Variants in GALNTL6 observed in about 807,000 individuals in gnomAD.
The protein encoded by GALNTL6 is polypeptide N-acetylgalactosaminyltransferase-like 6.
GALNTL6 carries 46 observed loss-of-function variants against 73.7 expected under a neutral mutation model. That is an observed-to-expected ratio of 0.62 (90% CI 0.49 to 0.80). The LOEUF is 0.80. GALNTL6 is among the 30% of genes least tolerant of loss of function. The pLI is 0.00. For synonymous variants in GALNTL6, 259 were observed against 263.7 expected, an observed-to-expected ratio of 0.98 and a Z score of 0.17; for missense variants, 604 against 755.0, an observed-to-expected ratio of 0.80 and a Z score of 2.34.
At chr4:172,678,873 G>A (rs1379148968) in intron 5 of GALNTL6, among the ~76,000 whole-genome samples, 1 of 152,082 alleles carries the variant, frequency 6.6e-6, no homozygotes, top group South Asian at 2.1e-4. Context: ...GTGATTTCAT[G>A]GTCTAAAGTA....
At chr4:172,071,924 A>G (rs553475127) in intron 2 of GALNTL6, among the ~76,000 whole-genome samples, 2 of 152,250 alleles carry the variant, frequency 1.3e-5, no homozygotes, top group East Asian at 3.9e-4. Context: ...TGGGCTTAGG[A>G]AAGTTATCTG....
At chr4:171,992,040 GT>G (rs2110738976) in intron 2 of GALNTL6, among the ~76,000 whole-genome samples, 1 of 151,942 alleles carries the variant, frequency 6.6e-6, no homozygotes, top group Admixed American at 6.6e-5. Flanking sequence ...GAATTACAAT[GT>G]TTTCCTTACA....
intron 7 of GALNTL6, among the ~76,000 whole-genome samples, chr4:172,871,302 G>C (rs1447715155): frequency 6.6e-6 from 1 of 152,018 alleles, no homozygotes; most frequent in African/African-American, 2.4e-5. Flanking sequence ...CCCACAAGTT[G>C]AACATGTTCT....
chr4:172,181,980 G>T (rs956999574), intron 2 of GALNTL6, among the ~76,000 whole-genome samples: 3 of 152,034 alleles, frequency 2.0e-5, no homozygotes, highest in African/African-American at 7.2e-5. Flanking sequence ...GCCTCCCAAA[G>T]TGCTGGGATT....
At chr4:172,962,064 C>G (rs139746395) in intron 10 of GALNTL6, among the ~76,000 whole-genome samples, 1 of 152,006 alleles carries the variant, frequency 6.6e-6, no homozygotes, top group African/African-American at 2.4e-5. Flanking sequence ...AAATTACAGT[C>G]AAAGGGGAGG....
At chr4:172,548,164 G>A (rs1013220631) in intron 5 of GALNTL6, among the ~76,000 whole-genome samples, 6 of 63,364 alleles carry the variant, frequency 9.5e-5, no homozygotes, top group African/African-American at 2.0e-4. Context: ...TTAATATGTC[G>A]ATGTCAATGA....
chr4:172,517,248 G>C (rs1734638352), intron 5 of GALNTL6, among the ~76,000 whole-genome samples: 1 of 152,016 alleles, frequency 6.6e-6, no homozygotes, highest in Non-Finnish European at 1.5e-5. Flanking sequence ...TAGTTTCTGG[G>C]CCTGAAACCT....
intron 4 of GALNTL6, among the ~76,000 whole-genome samples, chr4:172,321,371 A>T (rs1486766999): frequency 6.6e-6 from 1 of 152,188 alleles, no homozygotes; most frequent in African/African-American, 2.4e-5. Context: ...CATCTGAAAC[A>T]TCCTGTTTCC....
intron 5 of GALNTL6, among the ~76,000 whole-genome samples, chr4:172,520,910 G>T (rs946024252): frequency 1.3e-5 from 2 of 152,062 alleles, no homozygotes; most frequent in Middle Eastern, 3.4e-3. Context: ...CAGCAAAGTT[G>T]CAACTTTCAA....
intron 5 of GALNTL6, among the ~76,000 whole-genome samples, chr4:172,634,170 G>C (rs139327826): frequency 1.3e-5 from 2 of 152,154 alleles, no homozygotes; most frequent in East Asian, 3.9e-4. Context: ...CTGTATTTAG[G>C]ACATCACTTA....
chr4:172,231,828 C>G (rs1325280958), intron 3 of GALNTL6, among the ~76,000 whole-genome samples: 1 of 152,016 alleles, frequency 6.6e-6, no homozygotes, highest in Non-Finnish European at 1.5e-5. Context: ...AATACAAAAT[C>G]CAGTGCTTCA....
intron 5 of GALNTL6, among the ~76,000 whole-genome samples, chr4:172,432,871 G>T (rs1011167442): frequency 6.6e-6 from 1 of 152,074 alleles, no homozygotes; most frequent in Admixed American, 6.6e-5. Flanking sequence ...ACAACACTCT[G>T]CTGGATAGCT....
intron 3 of GALNTL6, among the ~76,000 whole-genome samples, chr4:172,281,402 A>C (rs1428778572): frequency 1.3e-5 from 2 of 152,008 alleles, no homozygotes; most frequent in Non-Finnish European, 2.9e-5. Flanking sequence ...TTCTCTTATA[A>C]AAGACCCTGT....
At chr4:172,869,335 G>A (rs558478488) in intron 7 of GALNTL6, among the ~76,000 whole-genome samples, 1 of 152,300 alleles carries the variant, frequency 6.6e-6, no homozygotes, top group South Asian at 2.1e-4. Flanking sequence ...AGGTGGAGTT[G>A]TCTGAAAGCA....
chr4:172,159,130 C>T (rs141970465), intron 2 of GALNTL6, among the ~76,000 whole-genome samples: 1 of 152,290 alleles, frequency 6.6e-6, no homozygotes, highest in African/African-American at 2.4e-5. Flanking sequence ...GATTAAGGCG[C>T]AACTCCAGGA....
chr4:172,606,212 G>A (rs1188053336), intron 5 of GALNTL6, among the ~76,000 whole-genome samples: 3 of 152,026 alleles, frequency 2.0e-5, no homozygotes, highest in Non-Finnish European at 4.4e-5. Context: ...CAATTTTAAG[G>A]TAAAAATGAT....
rs1734388497 is a variant in GALNTL6 at position 172,506,532 on chromosome 4, G to A, written c.553+157843G>A. The stretch of plus-strand genomic sequence containing the variant: ...CTATAACAGAAGTGACAAGTTTAGA[G>A]CTGTGCTCTAAAATGACCTTATCAG... On this transcript the variant is annotated intron_variant, in intron 5 of 12. Transcript: ENST00000506823. Among the ~76,000 whole-genome samples, 4 of 54,122 alleles carry A rather than the reference G, an allele frequency of 7.4e-5. 2 individuals are homozygous for A. Among genetic ancestry groups the A allele is most frequent in the Non-Finnish European group, 1.7e-4 (4 of 23,554 alleles). 35.5% of individuals were successfully genotyped at this position (54,122 alleles called of 152,430 possible).
At chr4:172,302,475 T>C (rs550218920) in intron 3 of GALNTL6, among the ~76,000 whole-genome samples, 1 of 152,298 alleles carries the variant, frequency 6.6e-6, no homozygotes, top group South Asian at 2.1e-4. Context: ...CTGGGAGCTG[T>C]AGACTGGAGC....
Position 171,968,063 on chromosome 4 carries a change from A to G in GALNTL6, c.138+153345A>G, listed in dbSNP as rs1271917336. ...GCTTCTGATTCTACTCCTTATTACT[A>G]GTTATCTTAAAGGTTACTATAGCAG... On this transcript the variant is annotated intron_variant, in intron 2 of 12. Coordinates refer to ENST00000506823, the MANE Select transcript of GALNTL6 (RefSeq NM_001034845.3). Among the ~76,000 whole-genome samples the G allele has an allele frequency of 2.6e-5, 4 of 152,086 alleles. No homozygotes were observed. In the East Asian group the frequency reaches 5.8e-4, roughly 22 times the overall value.
Sources: allele counts gnomAD v4.1 joint callset (sites outside exome capture counted in the v4.1 genomes callset), GRCh38; gene constraint gnomAD v4.1.1; transcripts MANE v1.5; gene names NCBI Gene and HGNC (gene_info 2026-07-23, HGNC 2026-07-21).